ANK1: variants seen among roughly 807,000 people sequenced by gnomAD.
ANK1 encodes ankyrin 1.
A neutral mutation model predicts 210.4 loss-of-function variants in ANK1; 51 were observed. That is an observed-to-expected ratio of 0.24 (90% CI 0.19 to 0.31). ANK1 has a LOEUF of 0.31. Among genes scored for constraint, ANK1 ranks in the 10% least tolerant of loss-of-function variants. The pLI is 1.00. For missense variants in ANK1, 2,051 were observed against 2,504.4 expected (o/e 0.82, Z 3.86); for synonymous variants, 967 against 1,025.9 (o/e 0.94, Z 1.10).
Position 41,703,450 on chromosome 8 carries a change from ATTTT to A in ANK1, c.2295+587_2295+590del, listed in dbSNP as rs58196949. ...TATATATATATATATATATATATAT[ATTTT>A]TTTTTTTTTTTTAAGACACAAGGTC... is the stretch of plus-strand genomic sequence containing the variant. On this transcript the variant is annotated intron_variant, in intron 20 of 42. Coordinates refer to ENST00000289734, the MANE Select transcript of ANK1 (RefSeq NM_000037.4). Among the ~76,000 whole-genome samples the A allele has an allele frequency of 1.0e-2, 587 of 58,820 alleles. 7 individuals carry two copies. Among genetic ancestry groups the A allele is most frequent in the Non-Finnish European group, 0.013 (460 of 35,532 alleles). 38.6% of individuals were successfully genotyped at this position (58,820 alleles called of 152,430 possible). A position where few individuals can be genotyped will look rare whatever the true frequency, so the allele number is the denominator to read the frequency against.
chr8:41,753,222 G>A (rs1838235716), intron 2 of ANK1, among the ~76,000 whole-genome samples: 1 of 152,010 alleles, frequency 6.6e-6, no homozygotes, highest in East Asian at 1.9e-4. Flanking sequence ...CTGCCATCAT[G>A]CCCGGCTAAT....
intron 1 of ANK1, among the ~76,000 whole-genome samples, chr8:41,837,010 C>T (rs1358421932): frequency 6.6e-5 from 10 of 151,944 alleles, no homozygotes; most frequent in Admixed American, 5.2e-4. Context: ...CTGTGGTCAG[C>T]AGTTGTGTGA....
chr8:41,801,848 A>T (rs756400718), upstream of ANK1, among the ~76,000 whole-genome samples: 6 of 152,154 alleles, frequency 3.9e-5, no homozygotes, highest in Admixed American at 1.3e-4. Context: ...TTAACGAACT[A>T]ATATGGGTTT....
intron 42 of ANK1, among the ~76,000 whole-genome samples, chr8:41,658,000 G>A (rs950980815): frequency 2.6e-4 from 39 of 152,134 alleles, no homozygotes; most frequent in Non-Finnish European, 1.0e-4. Context: ...TCCCACCTCA[G>A]TTTCCCAAGA....
chr8:41,791,598 A>G (rs1847738504), intron 1 of ANK1, among the ~76,000 whole-genome samples: 1 of 152,048 alleles, frequency 6.6e-6, no homozygotes, highest in Admixed American at 6.6e-5. Context: ...TGCCCAGCTG[A>G]TTTTTGTATT....
At chr8:41,777,834 G>A (rs1586880030) in intron 1 of ANK1, among the ~76,000 whole-genome samples, 1 of 152,230 alleles carries the variant, frequency 6.6e-6, no homozygotes, top group East Asian at 1.9e-4. Flanking sequence ...AATGAAAAAT[G>A]CACAGTGAAT....
intron 1 of ANK1, among the ~76,000 whole-genome samples, chr8:41,810,670 C>T (rs1802351976): frequency 6.6e-6 from 1 of 152,220 alleles, no homozygotes; most frequent in African/African-American, 2.4e-5. Flanking sequence ...AGCAACGTGC[C>T]GCCGAAGCGT....
At chr8:41,675,687 A>G (rs1813897950) in intron 37 of ANK1, among the ~76,000 whole-genome samples, 1 of 152,180 alleles carries the variant, frequency 6.6e-6, no homozygotes, top group Admixed American at 6.5e-5. Flanking sequence ...CATCACTTCA[A>G]AGAAGAAAAA....
chr8:41,772,774 T>C (rs1843198698), intron 1 of ANK1, among the ~76,000 whole-genome samples: 1 of 152,198 alleles, frequency 6.6e-6, no homozygotes, highest in East Asian at 1.9e-4. Flanking sequence ...TGGGCTCTCC[T>C]CCTGACCCTC....
At chr8:41,831,877 A>G (rs1806729862) in intron 1 of ANK1, among the ~76,000 whole-genome samples, 1 of 152,242 alleles carries the variant, frequency 6.6e-6, no homozygotes, top group South Asian at 2.1e-4. Context: ...GGATTCACAC[A>G]GCAACACGGG....
intron 22 of ANK1, among the ~76,000 whole-genome samples, chr8:41,701,102 C>G (rs1822646361): frequency 6.6e-6 from 1 of 152,102 alleles, no homozygotes; most frequent in Non-Finnish European, 1.5e-5. Context: ...CAGAAATAAC[C>G]CAAAACCTAT....
Position 41,696,533 on chromosome 8 carries a change from G to A in ANK1, c.2790C>T (p.Arg930=), listed in dbSNP as rs771366502. Residue 930 remains arginine, a synonymous_variant, in exon 26 of 43, where the codon CGC becomes CGT. Coordinates refer to ENST00000289734, the MANE Select transcript of ANK1 (RefSeq NM_000037.4). ...DARGGSMRGS[R]HNGLRVVIPP... The stretch of plus-strand genomic sequence containing the variant: ...GGATCACCACTCGCAGGCCGTTGTG[G>A]CGACTTCCTCTCATGGAACCACCCC... 1.9e-6 allele frequency: 3 copies of A among 1,613,854 alleles called. No homozygotes were observed. The highest frequency in any genetic ancestry group is 1.1e-5 in the South Asian group (1 of 91,082).
chr8:41,790,474 A>C (rs1218006604), intron 1 of ANK1, among the ~76,000 whole-genome samples: 1 of 151,910 alleles, frequency 6.6e-6, no homozygotes, highest in Non-Finnish European at 1.5e-5. Context: ...CCCAGTCACT[A>C]TCCTAAGTCA....
At chr8:41,731,590 T>C (rs557537022) in intron 3 of ANK1, among the ~76,000 whole-genome samples, 2 of 152,248 alleles carry the variant, frequency 1.3e-5, no homozygotes, top group South Asian at 4.1e-4. Context: ...CTTTTTTTTT[T>C]TTCATCTTTC....
chr8:41,724,357 G>T, intron 7 of ANK1, 99 bp downstream of exon 7: 1 of 1,061,124 alleles, frequency 9.4e-7, no homozygotes, highest in Non-Finnish European at 1.4e-6. Context: ...TTAACCCACA[G>T]GCACTTCTGC....
intron 6 of ANK1, 67 bp downstream of exon 6, chr8:41,725,694 G>C: frequency 6.4e-7 from 1 of 1,557,522 alleles, no homozygotes; most frequent in African/African-American, 1.4e-5. Flanking sequence ...GTCGCTGGGC[G>C]TGCGCGGTGC....
chr8:41,758,803 C>T (rs541368347), intron 1 of ANK1, among the ~76,000 whole-genome samples: 53 of 152,284 alleles, frequency 3.5e-4, no homozygotes, highest in African/African-American at 1.2e-3. Context: ...TTTGCAATAT[C>T]ACAGAGGTCC....
chr8:41,661,619 A>T (rs775510917), intron 41 of ANK1, 55 bp from the exon 42 acceptor site: 2 of 1,611,258 alleles, frequency 1.2e-6, no homozygotes, highest in East Asian at 2.2e-5. Flanking sequence ...CGGGCAGAAC[A>T]CAGGCAGAAG....
intron 37 of ANK1, among the ~76,000 whole-genome samples, chr8:41,680,841 C>T (rs1815746929): frequency 6.6e-6 from 1 of 152,184 alleles, no homozygotes; most frequent in South Asian, 2.1e-4. Context: ...TGGGGTGGAC[C>T]AGACCATAGG....
Sources: allele counts gnomAD v4.1 joint callset (sites outside exome capture counted in the v4.1 genomes callset), GRCh38; gene constraint gnomAD v4.1.1; transcripts MANE v1.5; gene names NCBI Gene and HGNC (gene_info 2026-07-23, HGNC 2026-07-21).